Variants in FHIT observed in about 807,000 individuals in gnomAD.
FHIT encodes the protein fragile histidine triad diadenosine triphosphatase.
A neutral mutation model predicts 17.9 loss-of-function variants in FHIT; 19 were observed. The ratio of observed to expected loss-of-function variants is 1.06; its 90% CI spans 0.74 to 1.56. The LOEUF (loss-of-function observed/expected upper bound fraction) is 1.56. FHIT is among the 40% of genes most tolerant of loss of function. FHIT has a pLI of 0.00. For missense variants in FHIT, 248 were observed against 189.2 expected (o/e 1.31, Z -1.82); for synonymous variants, 81 against 69.7 (o/e 1.16, Z -0.81).
chr3:60,212,340 G>A (rs1008833270), intron 5 of FHIT, among the ~76,000 whole-genome samples: 2 of 152,060 alleles, frequency 1.3e-5, no homozygotes, highest in Non-Finnish European at 2.9e-5. Context: ...GTATGCTTTG[G>A]TAGAAAGAAT....
chr3:60,480,379 T>C (rs1249451751), intron 5 of FHIT, among the ~76,000 whole-genome samples: 1 of 152,180 alleles, frequency 6.6e-6, no homozygotes, highest in South Asian at 2.1e-4. Flanking sequence ...AAATCTCATG[T>C]CCTTTGCACA....
At chr3:59,788,463 G>C (rs539983238) in intron 8 of FHIT, among the ~76,000 whole-genome samples, 2 of 152,174 alleles carry the variant, frequency 1.3e-5, no homozygotes, top group Non-Finnish European at 2.9e-5. Context: ...CCTTGCACCA[G>C]TGCACATGCT....
At chr3:60,371,545 A>G (rs1700330381) in intron 5 of FHIT, among the ~76,000 whole-genome samples, 1 of 152,118 alleles carries the variant, frequency 6.6e-6, no homozygotes. Context: ...GTTTTTAACT[A>G]AAAATATTTA....
At chr3:60,957,233 C>CT (rs35221092) in intron 3 of FHIT, among the ~76,000 whole-genome samples, 18,162 of 97,206 alleles carry the variant, frequency 0.19, 1,986 homozygotes, top group Middle Eastern at 0.26. Flanking sequence ...TTCTTTCTTT[C>CT]TTTTTTTTTT....
chr3:59,994,138 T>A (rs1368547634), intron 7 of FHIT, among the ~76,000 whole-genome samples: 1 of 152,084 alleles, frequency 6.6e-6, no homozygotes. Flanking sequence ...ATTTGAACAC[T>A]GGCATTGTGG....
chr3:60,319,259 T>C (rs916389585), intron 5 of FHIT, among the ~76,000 whole-genome samples: 1 of 152,126 alleles, frequency 6.6e-6, no homozygotes, highest in African/African-American at 2.4e-5. Context: ...TTTGTTCATT[T>C]ACTCATCCAC....
chr3:60,956,850 C>T (rs77728629), intron 3 of FHIT, among the ~76,000 whole-genome samples: 3,069 of 152,184 alleles, frequency 0.02, 104 homozygotes, highest in African/African-American at 0.07. Context: ...CATCTGTATA[C>T]GTTAGGCCAC....
At chr3:60,819,184 TC>T (rs1701843539) in intron 4 of FHIT, among the ~76,000 whole-genome samples, 1 of 152,104 alleles carries the variant, frequency 6.6e-6, no homozygotes, top group African/African-American at 2.4e-5. Flanking sequence ...TCCTAACACC[TC>T]TCCTCAAAAT....
chr3:59,767,921 A>G (rs149516038), intron 8 of FHIT, among the ~76,000 whole-genome samples: 68 of 152,308 alleles, frequency 4.5e-4, no homozygotes, highest in African/African-American at 1.6e-3. Context: ...TGAGGCTCTA[A>G]CTTAACTTAA....
intron 2 of FHIT, among the ~76,000 whole-genome samples, chr3:61,132,750 T>C (rs1169955574): frequency 6.6e-6 from 1 of 152,148 alleles, no homozygotes; most frequent in Admixed American, 6.5e-5. Flanking sequence ...TACTGATAAA[T>C]GTCAGAGCCA....
intron 5 of FHIT, among the ~76,000 whole-genome samples, chr3:60,392,096 T>C (rs1452596737): frequency 2.0e-5 from 3 of 152,324 alleles, no homozygotes; most frequent in South Asian, 2.1e-4. Context: ...ATCCTATGCA[T>C]AGATTTCAAA....
intron 5 of FHIT, among the ~76,000 whole-genome samples, chr3:60,075,005 G>T (rs559904739): frequency 1.3e-5 from 2 of 152,162 alleles, no homozygotes; most frequent in Non-Finnish European, 2.9e-5. Context: ...AATTTATTTT[G>T]CCTGGATTCA....
intron 5 of FHIT, among the ~76,000 whole-genome samples, chr3:60,066,612 G>A (rs940116710): frequency 4.3e-5 from 4 of 93,002 alleles, no homozygotes; most frequent in Admixed American, 1.3e-4. Flanking sequence ...GTTATAGGTT[G>A]ATTTTAATCC....
intron 2 of FHIT, among the ~76,000 whole-genome samples, chr3:61,172,069 T>C (rs2038021114): frequency 6.6e-6 from 1 of 152,174 alleles, no homozygotes; most frequent in Non-Finnish European, 1.5e-5. Context: ...ATCATTTTGT[T>C]TTGTGAGCAA....
intron 7 of FHIT, among the ~76,000 whole-genome samples, chr3:60,005,900 G>A (rs1310939835): frequency 2.6e-5 from 4 of 152,148 alleles, no homozygotes; most frequent in Admixed American, 6.6e-5. Flanking sequence ...CTAGAAATTG[G>A]TTTGGGTTGA....
intron 5 of FHIT, among the ~76,000 whole-genome samples, chr3:60,048,799 G>C (rs1038281627): frequency 6.6e-6 from 1 of 152,202 alleles, no homozygotes; most frequent in African/African-American, 2.4e-5. Flanking sequence ...GCCCTCCGAT[G>C]ACATTAACTG....
intron 4 of FHIT, among the ~76,000 whole-genome samples, chr3:60,683,132 G>A (rs192087616): frequency 6.1e-4 from 93 of 152,334 alleles, no homozygotes; most frequent in African/African-American, 2.1e-3. Flanking sequence ...AGGATTTCTT[G>A]AGGTAAAATC....
chr3:59,755,228 T>C (rs1485723), intron 8 of FHIT, among the ~76,000 whole-genome samples: 57,676 of 152,108 alleles, frequency 0.38, 12,564 homozygotes, highest in African/African-American at 0.6. Flanking sequence ...ATGTCTGGCC[T>C]ACAAGGCTTG....
At chr3:59,922,508 G>T in intron 7 of FHIT, 94 bp from the exon 8 acceptor site, 2 of 1,006,930 alleles carry the variant, frequency 2.0e-6, no homozygotes, top group South Asian at 1.4e-5. Context: ...ATTACTCCAC[G>T]ATGGTTCCTG....
Sources: allele counts gnomAD v4.1 joint callset (sites outside exome capture counted in the v4.1 genomes callset), GRCh38; gene constraint gnomAD v4.1.1; transcripts MANE v1.5; gene names NCBI Gene and HGNC (gene_info 2026-07-23, HGNC 2026-07-21).